Variants in GPC6 observed in about 807,000 individuals in gnomAD.
GPC6 encodes glypican 6, also known as glypican-6.
In GPC6, 14 loss-of-function variants were observed where a neutral mutation model predicts 55.2. The ratio of observed to expected loss-of-function variants is 0.25; its 90% CI spans 0.17 to 0.40. The LOEUF (loss-of-function observed/expected upper bound fraction) is 0.40, where lower values mean the gene tolerates loss of function less well. Among genes scored for constraint, GPC6 ranks in the 10% least tolerant of loss-of-function variants. GPC6 has a pLI of 1.00. For synonymous variants in GPC6, 278 were observed against 259.6 expected (o/e 1.07, Z -0.68); for missense variants, 641 against 708.5 (o/e 0.90, Z 1.08).
At chr13:93,753,436 A>T (rs1171349508) in intron 2 of GPC6, among the ~76,000 whole-genome samples, 1 of 152,026 alleles carries the variant, frequency 6.6e-6, no homozygotes, top group Non-Finnish European at 1.5e-5. Context: ...TTAGGTTTTA[A>T]ATTTTTATTT....
intron 2 of GPC6, among the ~76,000 whole-genome samples, chr13:93,618,540 G>A (rs1878819578): frequency 1.3e-5 from 2 of 152,060 alleles, no homozygotes; most frequent in Non-Finnish European, 2.9e-5. Flanking sequence ...AGAGGGCTTA[G>A]CAAAACAGAT....
chr13:94,028,005 C>G, intron 4 of GPC6, 111 bp downstream of exon 4: 1 of 1,011,636 alleles, frequency 9.9e-7, no homozygotes, highest in Non-Finnish European at 1.5e-6. Flanking sequence ...TGGTTCACAT[C>G]TGTAATCCCA....
chr13:93,307,612 G>A (rs1878901551), intron 1 of GPC6, among the ~76,000 whole-genome samples: 1 of 151,996 alleles, frequency 6.6e-6, no homozygotes, highest in Non-Finnish European at 1.5e-5. Context: ...CTCAGTATGA[G>A]TTTACATATA....
At chr13:93,314,712 GGTGTGTGTGTGT>G (rs370613459) in intron 1 of GPC6, among the ~76,000 whole-genome samples, 15 of 147,672 alleles carry the variant, frequency 1.0e-4, no homozygotes, top group East Asian at 8.1e-4. Flanking sequence ...AACAAGGAGG[GGTGTGTGTGTGT>G]GTGTGTGTGT....
At chr13:93,887,503 C>T (rs1347118583) in intron 3 of GPC6, among the ~76,000 whole-genome samples, 5 of 152,024 alleles carry the variant, frequency 3.3e-5, no homozygotes, top group Non-Finnish European at 5.9e-5. Context: ...TTCTGTCTTA[C>T]GTGTTATATG....
intron 1 of GPC6, among the ~76,000 whole-genome samples, chr13:93,345,326 A>T: frequency 6.6e-6 from 1 of 152,148 alleles, no homozygotes; most frequent in East Asian, 1.9e-4. Flanking sequence ...ATGTGAAGCT[A>T]GCAAGTACCT....
chr13:94,295,201 T>G (rs968606541), intron 5 of GPC6, among the ~76,000 whole-genome samples: 2 of 152,272 alleles, frequency 1.3e-5, no homozygotes, highest in East Asian at 3.9e-4. Context: ...TCTGTCTAAA[T>G]TAACTCACAT....
At chr13:94,059,031 A>C (rs1884230713) in intron 4 of GPC6, among the ~76,000 whole-genome samples, 1 of 152,164 alleles carries the variant, frequency 6.6e-6, no homozygotes, top group Non-Finnish European at 1.5e-5. Flanking sequence ...TTACTTGATT[A>C]AAGGTTACAA....
chr13:93,523,787 C>A (rs184005839), intron 1 of GPC6, among the ~76,000 whole-genome samples: 3 of 151,876 alleles, frequency 2.0e-5, no homozygotes, highest in Admixed American at 6.6e-5. Flanking sequence ...GAATTAACTT[C>A]CGAAAGCTTT....
intron 3 of GPC6, among the ~76,000 whole-genome samples, chr13:93,929,329 A>AT (rs984334108): frequency 2.6e-5 from 4 of 152,248 alleles, no homozygotes; most frequent in African/African-American, 9.6e-5. Flanking sequence ...TTTTCCATAC[A>AT]TTTTATGCCA....
At chr13:93,796,407 T>A (rs925621838) in intron 2 of GPC6, among the ~76,000 whole-genome samples, 1 of 152,344 alleles carries the variant, frequency 6.6e-6, no homozygotes, top group East Asian at 1.9e-4. Flanking sequence ...ATTATGTGTA[T>A]GATATTCCTT....
At chr13:93,632,974 T>C (rs1041120769) in intron 2 of GPC6, among the ~76,000 whole-genome samples, 1 of 152,160 alleles carries the variant, frequency 6.6e-6, no homozygotes, top group African/African-American at 2.4e-5. Flanking sequence ...AGGGACACAT[T>C]TTCTGGATTC....
chr13:93,770,297 G>T (rs1045798022), intron 2 of GPC6, among the ~76,000 whole-genome samples: 1 of 152,138 alleles, frequency 6.6e-6, no homozygotes, highest in African/African-American at 2.4e-5. Context: ...GATAAAATAT[G>T]TAAAGCACTT....
chr13:93,497,169 G>A (rs1880335233), intron 1 of GPC6, among the ~76,000 whole-genome samples: 1 of 152,108 alleles, frequency 6.6e-6, no homozygotes, highest in African/African-American at 2.4e-5. Context: ...TTTTCCTCAG[G>A]TTTCATGAAA....
intron 1 of GPC6, among the ~76,000 whole-genome samples, chr13:93,273,123 T>C (rs550034911): frequency 3.3e-5 from 5 of 152,276 alleles, no homozygotes; most frequent in Admixed American, 2.0e-4. Flanking sequence ...GAAAGGCAAA[T>C]TGTCTCCTGA....
chr13:93,406,151 GGAAA>G (rs1876284198), intron 1 of GPC6, among the ~76,000 whole-genome samples: 1 of 152,168 alleles, frequency 6.6e-6, no homozygotes, highest in African/African-American at 2.4e-5. Context: ...GCCTCTTGGT[GGAAA>G]GAGTGATGAA....
chr13:93,424,237 G>T (rs1594159829), intron 1 of GPC6, among the ~76,000 whole-genome samples: 1 of 152,198 alleles, frequency 6.6e-6, no homozygotes, highest in Non-Finnish European at 1.5e-5. Context: ...GAGGCCATCT[G>T]CCTCTGTGAT....
At chr13:94,298,369 G>A (rs981962069) in intron 5 of GPC6, among the ~76,000 whole-genome samples, 2 of 152,162 alleles carry the variant, frequency 1.3e-5, no homozygotes, top group African/African-American at 2.4e-5. Context: ...TTTGAGAAAG[G>A]CCCTAGCTCT....
chr13:93,485,768 T>A (rs938052331), intron 1 of GPC6, among the ~76,000 whole-genome samples: 1 of 152,176 alleles, frequency 6.6e-6, no homozygotes, highest in African/African-American at 2.4e-5. Context: ...ATGGTTAGTT[T>A]ATTCTTGTAG....
Sources: allele counts gnomAD v4.1 joint callset (sites outside exome capture counted in the v4.1 genomes callset), GRCh38; gene constraint gnomAD v4.1.1; transcripts MANE v1.5; gene names NCBI Gene and HGNC (gene_info 2026-07-23, HGNC 2026-07-21).